Variants in CEBPZ observed in about 807,000 individuals in gnomAD.
CEBPZ encodes the protein CCAAT/enhancer-binding protein zeta.
Under a neutral mutation model 104.5 loss-of-function variants are expected in CEBPZ, and 78 were observed. The observed-to-expected ratio is 0.75, with a 90% confidence interval of 0.62 to 0.90. The LOEUF is 0.90. Among genes scored for constraint, CEBPZ ranks in the 40% least tolerant of loss-of-function variants. The probability of loss-of-function intolerance (pLI) is 0.00; values close to 1 mark genes in which losing one functional copy is unlikely to be tolerated. For missense variants in CEBPZ, 1,439 were observed against 1,233.5 expected, an observed-to-expected ratio of 1.17 and a Z score of -2.50; for synonymous variants, 470 against 427.0, an observed-to-expected ratio of 1.10 and a Z score of -1.24.
At chr2:37,203,958 T>C (rs1677413897) in intron 13 of CEBPZ, 1 of 152,246 alleles carries the variant, frequency 6.6e-6, no homozygotes, top group African/African-American at 2.4e-5. Flanking sequence ...AGGTTTTGTC[T>C]ACTTTTTGGC....
Position 37,229,052 on chromosome 2 carries a change from A to C in CEBPZ, c.157-16T>G. On this transcript the variant is annotated splice_polypyrimidine_tract_variant and intron_variant, in intron 1 of 15. Transcript: ENST00000234170. ...GGTAATCTTGCTGCATTAAAAACAT[A>C]AGTTAAAAATACATTACAAATGTGA... is the stretch of plus-strand genomic sequence containing the variant. The C allele has an allele frequency of 6.7e-7, 1 of 1,486,444 alleles. No homozygotes were observed. Among genetic ancestry groups the C allele is most frequent in the Non-Finnish European group, 8.9e-7 (1 of 1,119,198 alleles). 92.1% of individuals were successfully genotyped at this position (1,486,444 alleles called of 1,614,324 possible).
chr2:37,211,541 A>T (rs1275442335), intron 12 of CEBPZ: 1 of 300,184 alleles, frequency 3.3e-6, no homozygotes, highest in Non-Finnish European at 6.1e-6. Flanking sequence ...AACTTTTATA[A>T]ACTGCTAATT....
chr2:37,202,487 A>T (rs1572486252), intron 15 of CEBPZ: 1 of 207,912 alleles, frequency 4.8e-6, no homozygotes, highest in African/African-American at 2.3e-5. Flanking sequence ...TCTACTAAAA[A>T]TACAAAAATT....
chr2:37,209,075 G>A (rs995378545), intron 13 of CEBPZ: 5 of 151,492 alleles, frequency 3.3e-5, no homozygotes, highest in Non-Finnish European at 5.9e-5. Flanking sequence ...TAATACTTAG[G>A]AATACACCTA....
chr2:37,221,830 G>A (rs937654442), intron 4 of CEBPZ, among the ~76,000 whole-genome samples: 2 of 152,172 alleles, frequency 1.3e-5, no homozygotes, highest in African/African-American at 4.8e-5. Context: ...CAAGGCTGGT[G>A]TTTTCTTCAC....
At position 37,231,508 on chromosome 2, in the gene CEBPZ, C is replaced by G; in HGVS notation, c.60G>C (p.Glu20Asp). ...FHAKRPWRPE[E>D]AVEDPDEEDE... The stretch of plus-strand genomic sequence containing the variant: ...CCTCCTCGTCCGGATCTTCTACTGC[C>G]TCCTCGGGGCGCCAAGGCCGCTTGG... Residue 20 changes from glutamate (E) to aspartate (D), a missense_variant, in exon 1 of 16, where the codon GAG (glutamate) becomes GAC (aspartate). Physicochemically the swap from Glu to Asp is conservative, Grantham distance 45. Coordinates refer to ENST00000234170, the MANE Select transcript of CEBPZ (RefSeq NM_005760.3). 6.2e-7 allele frequency: 1 copy of G among 1,614,242 alleles called. No homozygotes were observed. Among genetic ancestry groups the G allele is most frequent in the Non-Finnish European group, 8.5e-7 (1 of 1,180,042 alleles).
rs774537350 is a variant in CEBPZ, at chr2:37,227,905, G to A, written c.1288C>T (p.Arg430Cys). 1.1e-5 allele frequency: 18 copies of A among 1,614,006 alleles called. No homozygotes were observed. Among genetic ancestry groups the A allele is most frequent in the African/African-American group, 4.0e-5 (3 of 74,934 alleles). The change falls in exon 2 of 16, where the codon CGC (arginine) becomes TGC (cysteine). Residue 430 changes from arginine to cysteine, a missense_variant. Physicochemically the swap from Arg to Cys is radical, Grantham distance 180 (BLOSUM62 -3). Transcript: ENST00000234170. Reference sequence around the variant, plus strand: ...TGAGCTTTGGAGCTGATATTTGAGCGGAAGAGTAGCCTTTCTACTTCACCA... The same window carrying A: ...TGAGCTTTGGAGCTGATATTTGAGCAGAAGAGTAGCCTTTCTACTTCACCA... ...VSGEVERLLF[R>C]SNISSKAQYY...
rs1664806004 is a variant in CEBPZ at position 37,223,054 on chromosome 2, C to T, written c.1881+116G>A. The T allele has an allele frequency of 3.2e-5, 26 of 809,254 alleles. No homozygotes were observed. The South Asian group carries it at 4.5e-4, about 14-fold the overall frequency. The allele number at this position is 809,254 out of a possible 1,614,324, so 50.1% of individuals were successfully genotyped here. The stretch of plus-strand genomic sequence containing the variant: ...AATCTAGGTTTGTCCTATTCCAGAA[C>T]TCACACTCATATGCTCCAGAGAACT... On this transcript the variant is annotated intron_variant, in intron 3 of 15. Coordinates refer to ENST00000234170, the MANE Select transcript of CEBPZ (RefSeq NM_005760.3).
chr2:37,221,077 T>C (rs1664759274), intron 4 of CEBPZ, among the ~76,000 whole-genome samples: 1 of 151,998 alleles, frequency 6.6e-6, no homozygotes, highest in African/African-American at 2.4e-5. Context: ...CCCAGCACTT[T>C]GGGAGGCCAA....
chr2:37,215,140 C>T (rs1677837523), intron 8 of CEBPZ, among the ~76,000 whole-genome samples, 188 bp from the exon 9 acceptor site: 2 of 152,096 alleles, frequency 1.3e-5, no homozygotes, highest in Admixed American at 1.3e-4. Context: ...ACCCCCCCAA[C>T]ATTTGAAACT....
intron 13 of CEBPZ, among the ~76,000 whole-genome samples, chr2:37,206,919 A>C (rs895174743): frequency 2.6e-5 from 4 of 152,258 alleles, no homozygotes; most frequent in African/African-American, 9.6e-5. Flanking sequence ...CACGTAACAC[A>C]TAAGGACTCA....
chr2:37,209,465 A>C (rs1677648296), intron 13 of CEBPZ: 1 of 152,234 alleles, frequency 6.6e-6, no homozygotes, highest in Non-Finnish European at 1.5e-5. Context: ...AATGGAACAG[A>C]ATAGAGAACC....
intron 2 of CEBPZ, among the ~76,000 whole-genome samples, chr2:37,224,034 G>A (rs1664827024): frequency 6.6e-6 from 1 of 152,156 alleles, no homozygotes; most frequent in Non-Finnish European, 1.5e-5. Flanking sequence ...TCAGTCCCAT[G>A]TTTGTGTTCT....
chr2:37,212,248 T>C, intron 11 of CEBPZ, 87 bp downstream of exon 11: 1 of 1,210,200 alleles, frequency 8.3e-7, no homozygotes, highest in Non-Finnish European at 1.2e-6. Context: ...TTCCCCTTTA[T>C]CATATAGTTC....
Position 37,227,839 on chromosome 2 carries a change from G to C in CEBPZ, c.1354C>G (p.His452Asp). The C allele has an allele frequency of 1.9e-6, 3 of 1,614,014 alleles. No individual in the cohort carries two copies. In the South Asian group the frequency reaches 3.3e-5, roughly 18 times the overall value. The change falls in exon 2 of 16, where the codon CAT becomes GAT. Residue 452 changes from histidine to aspartate, a missense_variant. Coordinates refer to ENST00000234170, the MANE Select transcript of CEBPZ (RefSeq NM_005760.3). ...ICFLNQMALS[H>D]EESELANKLI... The stretch of plus-strand genomic sequence containing the variant: ...TTGTTAGCCAATTCACTTTCTTCAT[G>C]GGACAGAGCCATTTGATTTAAAAAG...
intron 13 of CEBPZ, chr2:37,204,846 GAAAC>G (rs1346761078): frequency 6.6e-6 from 1 of 152,128 alleles, no homozygotes; most frequent in Admixed American, 6.5e-5. Context: ...AATGTCTTCT[GAAAC>G]AGTACTTTAC....
chr2:37,202,015 T>C (rs1677269243), intron 15 of CEBPZ, 112 bp from the exon 16 acceptor site: 1 of 879,072 alleles, frequency 1.1e-6, no homozygotes. Flanking sequence ...GCCTGTGGTT[T>C]CCCACCCACT....
rs964324753 is a variant in CEBPZ at position 37,220,445 on chromosome 2, T to C, written c.2094A>G (p.Pro698=). 3.8e-6 allele frequency: 6 copies of C among 1,599,942 alleles called. No homozygotes were observed. The Admixed American group carries it at 5.1e-5, about 14-fold the overall frequency. The change falls in exon 5 of 16, where the codon CCA becomes CCG. Residue 698 remains proline (P), a synonymous_variant. Transcript: ENST00000234170. Reference sequence around the variant, plus strand: ...CACAGAACAGAGGGTTTCTACTGAATGGATCGTATTTATTTAACTGTTTCC... The same window carrying C: ...CACAGAACAGAGGGTTTCTACTGAACGGATCGTATTTATTTAACTGTTTCC... ...KGGKQLNKYD[P]FSRNPLFCGA...
At chr2:37,227,497 C>G (rs960667114) in intron 2 of CEBPZ, 47 bp downstream of exon 2, 2 of 1,540,542 alleles carry the variant, frequency 1.3e-6, no homozygotes, top group Non-Finnish European at 1.7e-6. Context: ...TGCTGTACTA[C>G]ATCAAGTTAT....
Sources: allele counts gnomAD v4.1 joint callset (sites outside exome capture counted in the v4.1 genomes callset), GRCh38; gene constraint gnomAD v4.1.1; transcripts MANE v1.5; gene names NCBI Gene and HGNC (gene_info 2026-07-23, HGNC 2026-07-21).